Variants in KCNQ1 observed in about 807,000 individuals in gnomAD.
KCNQ1 encodes potassium voltage-gated channel subfamily KQT member 1.
In KCNQ1, 49 loss-of-function variants were observed where a neutral mutation model predicts 72.4. The ratio of observed to expected loss-of-function variants is 0.68; its 90% CI spans 0.54 to 0.86. KCNQ1 has a LOEUF of 0.86. Ranked by LOEUF, KCNQ1 falls within the 40% of genes least tolerant of loss-of-function variation. The pLI is 0.00. For missense variants in KCNQ1, 790 were observed against 945.1 expected, an observed-to-expected ratio of 0.84 and a Z score of 2.15; for synonymous variants, 450 against 412.6, an observed-to-expected ratio of 1.09 and a Z score of -1.10.
At position 2,783,451 on chromosome 11, in the gene KCNQ1, C is replaced by T. The variant is rs1285233225; in HGVS notation, c.1794+5414C>T. Among the ~76,000 whole-genome samples, 6 of 152,038 alleles carry T rather than the reference C, an allele frequency of 3.9e-5. No individual in the cohort carries two copies. Among genetic ancestry groups the T allele is most frequent in the Non-Finnish European group, 5.9e-5 (4 of 67,936 alleles). On this transcript the variant is annotated intron_variant, in intron 15 of 15. Coordinates refer to ENST00000155840, the MANE Select transcript of KCNQ1 (RefSeq NM_000218.3). The surrounding 1 kb of genome is among the most constrained non-coding windows in gnomAD (Gnocchi z 5.2). ...GTTGGGTGCAGTGTTATGTTCATAT[C>T]CACTGGAACAAGCTTGTTAGTTGGT...
rs76429041 is a variant in KCNQ1, at chr11:2,447,761, C to T, written c.386+2277C>T. On this transcript the variant is annotated intron_variant, in intron 1 of 15. Transcript: ENST00000155840. The surrounding 1 kb of genome is among the most constrained non-coding windows in gnomAD (Gnocchi z 7.6). ...AATATTGTGGTTTCTGGCCTGAAGA[C>T]GACAAGCCTGGCCTTGAAGAGCCAG... Among the ~76,000 whole-genome samples, 4,910 of 152,256 alleles carry T rather than the reference C, an allele frequency of 0.032. 262 individuals carry two copies. Among genetic ancestry groups the T allele is most frequent in the African/African-American group, 0.11 (4,598 of 41,530 alleles).
chr11:2,685,977 C>A, intron 11 of KCNQ1: 1 of 398,746 alleles, frequency 2.5e-6, no homozygotes. Flanking sequence ...CCTGTACACT[C>A]TGGGCCTCAG....
rs1163903972 is a variant in KCNQ1 at position 2,783,746 on chromosome 11, C to G, written c.1794+5709C>G. ...GTTTTGATTTGCATTTCCCTAATGA[C>G]TAATGATGTTGAGCCACTTTTCATG... On this transcript the variant is annotated intron_variant, in intron 15 of 15. Coordinates refer to ENST00000155840, the MANE Select transcript of KCNQ1 (RefSeq NM_000218.3). This position sits in a 1 kb window ranked among gnomAD's most constrained non-coding sequence, Gnocchi z 5.2. Among the ~76,000 whole-genome samples the G allele has an allele frequency of 1.3e-5, 2 of 152,034 alleles. No individual in the cohort carries two copies. The highest frequency in any genetic ancestry group is 2.4e-5 in the African/African-American group (1 of 41,446).
chr11:2,726,750 C>T (rs564083710), intron 11 of KCNQ1, among the ~76,000 whole-genome samples: 17 of 152,294 alleles, frequency 1.1e-4, no homozygotes, highest in South Asian at 8.3e-4. Flanking sequence ...ATTTTAAAGC[C>T]GGCTTTCCCA....
intron 1 of KCNQ1, among the ~76,000 whole-genome samples, chr11:2,524,364 T>C (rs569942249): frequency 6.6e-6 from 1 of 152,294 alleles, no homozygotes; most frequent in South Asian, 2.1e-4. Flanking sequence ...CTGTGTCTCC[T>C]CCTCAGTTTA....
intron 11 of KCNQ1, among the ~76,000 whole-genome samples, chr11:2,749,177 G>A (rs1278333607): frequency 6.6e-6 from 1 of 152,230 alleles, no homozygotes; most frequent in Non-Finnish European, 1.5e-5. Context: ...CAAATGGGGG[G>A]CTGTTCCGCC....
rs556298864 is a variant in KCNQ1, at chr11:2,562,382, G to C, written c.478-8246G>C. 6.6e-6 allele frequency among the ~76,000 whole-genome samples: 1 copy of C among 152,148 alleles called. No homozygotes were observed. The highest frequency in any genetic ancestry group is 1.5e-5 in the Non-Finnish European group (1 of 68,012). On this transcript the variant is annotated intron_variant, in intron 2 of 15. Coordinates refer to ENST00000155840, the MANE Select transcript of KCNQ1 (RefSeq NM_000218.3). The surrounding 1 kb of genome is among the most constrained non-coding windows in gnomAD (Gnocchi z 7.5). ...TGCCTGAGTGCCTGCATTGCCCTCCGGCCAGCTGACCCTCCCCGGAGCCGA... is the reference window on the plus strand; with the variant it reads ...TGCCTGAGTGCCTGCATTGCCCTCCCGCCAGCTGACCCTCCCCGGAGCCGA...
Position 2,451,822 on chromosome 11 carries a change from T to C in KCNQ1, c.386+6338T>C, listed in dbSNP as rs543601940. ...GCCTTACAGATGAGACAACTAGGCC[T>C]GGCCACTTTGCTCATGCCACACCCA... On this transcript the variant is annotated intron_variant, in intron 1 of 15. Transcript: ENST00000155840. This position sits in a 1 kb window ranked among gnomAD's most constrained non-coding sequence, Gnocchi z 6.4. Among the ~76,000 whole-genome samples, 8 of 152,284 alleles carry C rather than the reference T, an allele frequency of 5.3e-5. No homozygotes were observed. The highest frequency in any genetic ancestry group is 3.4e-3 in the Middle Eastern group (1 of 294).
Position 2,497,534 on chromosome 11 carries a change from C to G in KCNQ1, c.387-30394C>G, listed in dbSNP as rs1454186145. Reference sequence around the variant, plus strand: ...GCTCCATGAGGTCATTTATGTTCCTCTCTAAACTGGTTATTCTAGTTAGCA... The same window carrying G: ...GCTCCATGAGGTCATTTATGTTCCTGTCTAAACTGGTTATTCTAGTTAGCA... On this transcript the variant is annotated intron_variant, in intron 1 of 15. Coordinates refer to ENST00000155840, the MANE Select transcript of KCNQ1 (RefSeq NM_000218.3). This position sits in a 1 kb window ranked among gnomAD's most constrained non-coding sequence, Gnocchi z 4.5. 6.6e-6 allele frequency among the ~76,000 whole-genome samples: 1 copy of G among 152,188 alleles called. No homozygotes were observed. The highest frequency in any genetic ancestry group is 1.9e-4 in the East Asian group (1 of 5,194).
At chr11:2,840,855 A>AC (rs1239383061) in intron 15 of KCNQ1, among the ~76,000 whole-genome samples, 3 of 151,828 alleles carry the variant, frequency 2.0e-5, no homozygotes, top group South Asian at 4.2e-4. Context: ...GGGGGCTTCT[A>AC]CCCCCTCACT....
chr11:2,846,137 C>T (rs35877729), intron 15 of KCNQ1, among the ~76,000 whole-genome samples: 28,920 of 152,144 alleles, frequency 0.19, 3,215 homozygotes, highest in Non-Finnish European at 0.26. Flanking sequence ...TGGGGCCGGG[C>T]GCATGAGGGA....
intron 15 of KCNQ1, among the ~76,000 whole-genome samples, chr11:2,814,295 ATGGATGGATAGATG>A (rs1847566198): frequency 2.8e-5 from 4 of 144,294 alleles, no homozygotes; most frequent in African/African-American, 1.1e-4. Context: ...GGATGGATGG[ATGGATGGATAGATG>A]GATGGATGGA....
chr11:2,629,243 T>G, intron 10 of KCNQ1: 1 of 398,344 alleles, frequency 2.5e-6, no homozygotes. Flanking sequence ...ATCTTTCCAT[T>G]TATTTGTATC....
At chr11:2,825,223 G>T (rs956686323) in intron 15 of KCNQ1, among the ~76,000 whole-genome samples, 1 of 152,238 alleles carries the variant, frequency 6.6e-6, no homozygotes, top group Admixed American at 6.5e-5. Flanking sequence ...TGTCGGGCGT[G>T]TGCCTTCATA....
At chr11:2,641,513 G>A in intron 10 of KCNQ1, 1 of 398,258 alleles carries the variant, frequency 2.5e-6, no homozygotes, top group East Asian at 3.6e-5. Context: ...AGTTATTGGA[G>A]TTCCTAGTAT....
chr11:2,541,554 G>C lies in KCNQ1; in HGVS notation c.477+13536G>C, dbSNP rs1421665555. ...CCTGGACCTGGCGGTGGCTATGAAA[G>C]CCTGGGATTGAGGACAAAGCCATGG... On this transcript the variant is annotated intron_variant, in intron 2 of 15. Coordinates refer to ENST00000155840, the MANE Select transcript of KCNQ1 (RefSeq NM_000218.3). This position sits in a 1 kb window ranked among gnomAD's most constrained non-coding sequence, Gnocchi z 4.8. Among the ~76,000 whole-genome samples, 1 of 152,048 alleles carries C rather than the reference G, an allele frequency of 6.6e-6. No homozygotes were observed. Among genetic ancestry groups the C allele is most frequent in the African/African-American group, 2.4e-5 (1 of 41,408 alleles).
chr11:2,810,211 T>C (rs963556773), intron 15 of KCNQ1, among the ~76,000 whole-genome samples: 8 of 152,256 alleles, frequency 5.3e-5, no homozygotes, highest in Middle Eastern at 3.2e-3. Context: ...GTTTAGTATC[T>C]ACCATCTGGA....
intron 1 of KCNQ1, among the ~76,000 whole-genome samples, chr11:2,485,912 A>C (rs192601279): frequency 6.6e-6 from 1 of 152,204 alleles, no homozygotes; most frequent in East Asian, 1.9e-4. Context: ...CACTGTATGG[A>C]TAGACCACAT....
In KCNQ1 at chr11:2,538,659, C is replaced by G. The variant is rs911421309; in HGVS notation, c.477+10641C>G. On this transcript the variant is annotated intron_variant, in intron 2 of 15. Transcript: ENST00000155840. The surrounding 1 kb of genome is among the most constrained non-coding windows in gnomAD (Gnocchi z 6.7). ...AATCCTGGGCTGGAACCGGAAACTTCCCTGAGTATACGGGGCCTTGTGTGT... is the reference window on the plus strand; with the variant it reads ...AATCCTGGGCTGGAACCGGAAACTTGCCTGAGTATACGGGGCCTTGTGTGT... 6.6e-6 allele frequency among the ~76,000 whole-genome samples: 1 copy of G among 151,580 alleles called. No individual in the cohort carries two copies. The highest frequency in any genetic ancestry group is 1.5e-5 in the Non-Finnish European group (1 of 67,920).
Sources: allele counts gnomAD v4.1 joint callset (sites outside exome capture counted in the v4.1 genomes callset), GRCh38; gene constraint gnomAD v4.1.1; non-coding constraint Gnocchi (gnomAD v3.1); transcripts MANE v1.5; gene names NCBI Gene and HGNC (gene_info 2026-07-23, HGNC 2026-07-21).